The following USP9X variants were observed in gnomAD, a reference collection of about 807,000 sequenced individuals.
The protein encoded by USP9X is ubiquitin specific peptidase 9 X-linked, also known as ubiquitin carboxyl-terminal hydrolase 9X.
A neutral mutation model predicts 190.3 loss-of-function variants in USP9X; 7 were observed. The ratio of observed to expected loss-of-function variants is 0.04; its 90% confidence interval spans 0.02 to 0.07. The LOEUF (loss-of-function observed/expected upper bound fraction) is 0.07. Among genes scored for constraint, USP9X ranks in the 10% least tolerant of loss-of-function variants. The pLI, the probability that USP9X is intolerant of heterozygous loss-of-function variation, is 1.00. For synonymous variants in USP9X, 645 were observed against 659.5 expected, an observed-to-expected ratio of 0.98 and a Z score of 0.34; for missense variants, 1,010 against 1,916.9, an observed-to-expected ratio of 0.53 and a Z score of 8.83.
At chrX:41,099,780 C>T (rs1479307369) in intron 1 of USP9X, among the ~76,000 whole-genome samples, 1 of 111,650 alleles carries the variant, frequency 9.0e-6, no homozygotes. Context: ...AGGTGGATCA[C>T]GAGGTCAGGA....
Position 41,201,229 on chromosome X carries a change from A to G in USP9X, c.4773A>G (p.Thr1591=). The change falls in exon 31 of 45, where the codon ACA becomes ACG. Residue 1591 remains threonine, a synonymous_variant. Transcript: ENST00000378308. ...IRNGILAIEG[T]GSDVDDDMSG... is the part of the protein sequence containing the mutation. ...ACGGTATTCTTGCCATTGAAGGCAC[A>G]GGTAGTGATGTAGATGATGATATGT... 8.3e-7 allele frequency: 1 copy of G among 1,211,780 alleles called. No individual in the cohort carries two copies. The highest frequency in any genetic ancestry group is 1.1e-6 in the Non-Finnish European group (1 of 895,341).
chrX:41,099,477 A>G (rs2062020321), intron 1 of USP9X, among the ~76,000 whole-genome samples: 1 of 110,787 alleles, frequency 9.0e-6, no homozygotes, highest in Middle Eastern at 4.2e-3. Flanking sequence ...AATACTTAGT[A>G]TTATTATCAG....
At chrX:41,136,781 C>G in intron 5 of USP9X, 23 bp from the exon 6 acceptor site, 1 of 1,116,594 alleles carries the variant, frequency 9.0e-7, no homozygotes, top group Non-Finnish European at 1.2e-6. Flanking sequence ...TCTTGTAAAT[C>G]GCCTTTCCCC....
At chrX:41,093,057 G>T (rs1305184190) in intron 1 of USP9X, among the ~76,000 whole-genome samples, 1 of 111,224 alleles carries the variant, frequency 9.0e-6, no homozygotes, top group Admixed American at 9.6e-5. Flanking sequence ...TAGAGAACAG[G>T]GGTTTGACTG....
chrX:41,106,241 T>G (rs777328254), intron 1 of USP9X, among the ~76,000 whole-genome samples: 5 of 111,647 alleles, frequency 4.5e-5, no homozygotes, highest in Admixed American at 9.5e-5. Flanking sequence ...TCATGTTTCA[T>G]TCTAAGAGTT....
At chrX:41,213,271 TG>T (rs1014925646) in intron 33 of USP9X, among the ~76,000 whole-genome samples, 1 of 111,302 alleles carries the variant, frequency 9.0e-6, no homozygotes, top group African/African-American at 3.3e-5. Context: ...CATTCCAGCC[TG>T]GGTGACAGAG....
At chrX:41,182,308 T>C (rs1010764404) in intron 21 of USP9X, among the ~76,000 whole-genome samples, 16 of 111,260 alleles carry the variant, frequency 1.4e-4, no homozygotes, top group African/African-American at 4.6e-4. Flanking sequence ...CCCAGGGAGG[T>C]TGAGGCTGCA....
chrX:41,092,039 C>G (rs1194888881), intron 1 of USP9X, among the ~76,000 whole-genome samples: 1 of 111,897 alleles, frequency 8.9e-6, no homozygotes, highest in African/African-American at 3.3e-5. Context: ...ACCTCTTGTA[C>G]AGAATTGATT....
intron 2 of USP9X, among the ~76,000 whole-genome samples, chrX:41,125,668 ACACACACACACACACACTCTCTCTCTCT>A (rs1274099632): frequency 1.9e-5 from 1 of 52,415 alleles, no homozygotes; most frequent in Admixed American, 2.8e-4. Flanking sequence ...ACACACACAC[ACACACACACACACACACTCTCTCTCTCT>A]CTCTCTCTCT....
At chrX:41,143,991 T>C (rs762791092) in intron 10 of USP9X, among the ~76,000 whole-genome samples, 1 of 111,710 alleles carries the variant, frequency 9.0e-6, no homozygotes, top group Non-Finnish European at 1.9e-5. Context: ...TTTTAGTCTA[T>C]AAAAACCAAG....
intron 12 of USP9X, among the ~76,000 whole-genome samples, chrX:41,148,999 T>G (rs945829024): frequency 8.9e-6 from 1 of 112,142 alleles, no homozygotes; most frequent in African/African-American, 3.2e-5. Context: ...TCACACAGTT[T>G]CCCTACATTC....
intron 24 of USP9X, among the ~76,000 whole-genome samples, chrX:41,187,513 A>T (rs761732825): frequency 2.9e-4 from 33 of 112,913 alleles, no homozygotes; most frequent in African/African-American, 8.0e-4. Context: ...AACATTGTGT[A>T]CAAGTGTTTG....
At chrX:41,161,635 CTTTTTTTT>C (rs759623425) in intron 14 of USP9X, among the ~76,000 whole-genome samples, 33 of 47,415 alleles carry the variant, frequency 7.0e-4, no homozygotes, top group Admixed American at 3.4e-3. Flanking sequence ...GGCGCCCTGC[CTTTTTTTT>C]TTTTTTTTTT....
At chrX:41,107,074 A>G (rs1170150687) in intron 1 of USP9X, among the ~76,000 whole-genome samples, 1 of 106,776 alleles carries the variant, frequency 9.4e-6, no homozygotes, top group Non-Finnish European at 1.9e-5. Context: ...TTTAGTAGAG[A>G]TGGGTTTCAC....
Position 41,136,792 on chromosome X carries a change from C to A in USP9X, c.436-12C>A, listed in dbSNP as rs1170948141. 8.4e-6 allele frequency: 10 copies of A among 1,185,818 alleles called. No individual in the cohort carries two copies. The highest frequency in any genetic ancestry group is 1.1e-5 in the Non-Finnish European group (10 of 873,931). On this transcript the variant is annotated splice_polypyrimidine_tract_variant and intron_variant, in intron 5 of 44. Coordinates refer to ENST00000378308, the MANE Select transcript of USP9X (RefSeq NM_001039591.3). The stretch of plus-strand genomic sequence containing the variant: ...TTGATCTTGTAAATCGCCTTTCCCC[C>A]TTGTATAACAGAGGTGTATTATTAA...
At chrX:41,099,246 C>T (rs192574307) in intron 1 of USP9X, among the ~76,000 whole-genome samples, 4 of 108,463 alleles carry the variant, frequency 3.7e-5, no homozygotes, top group South Asian at 4.0e-4. Flanking sequence ...GTCTGGCTGA[C>T]GTTTGAGATT....
At chrX:41,194,828 C>T (rs2062968315) in intron 26 of USP9X, among the ~76,000 whole-genome samples, 1 of 110,920 alleles carries the variant, frequency 9.0e-6, no homozygotes, top group Non-Finnish European at 1.9e-5. Flanking sequence ...ATACGCCAGA[C>T]ACTATTCTAG....
chrX:41,174,256 A>C (rs2062753805), intron 21 of USP9X, among the ~76,000 whole-genome samples: 1 of 112,057 alleles, frequency 8.9e-6, no homozygotes, highest in South Asian at 3.7e-4. Context: ...GAAGATGTGC[A>C]TCGGTTGTAT....
intron 38 of USP9X, among the ~76,000 whole-genome samples, chrX:41,220,746 G>A (rs2063254382): frequency 9.2e-6 from 1 of 109,210 alleles, no homozygotes; most frequent in South Asian, 3.9e-4. Flanking sequence ...CTGAGGTATG[G>A]AGTTCAAGAC....
Sources: gnomAD v4.1 joint callset for allele counts (sites outside exome capture counted in the v4.1 genomes callset) on GRCh38, gnomAD v4.1.1 for gene constraint, MANE v1.5 for transcripts, NCBI Gene and HGNC (gene_info 2026-07-23, HGNC 2026-07-21) for gene names.